CADPS2: variants seen among roughly 807,000 people sequenced by gnomAD.
CADPS2 encodes the protein calcium dependent secretion activator 2, also known as calcium-dependent secretion activator 2.
A neutral mutation model predicts 172.5 loss-of-function variants in CADPS2; 93 were observed. The ratio of observed to expected loss-of-function variants is 0.54; its 90% CI spans 0.46 to 0.64. The LOEUF (loss-of-function observed/expected upper bound fraction) is 0.64, where lower values mean the gene tolerates loss of function less well. CADPS2 is among the 30% of genes least tolerant of loss of function. The pLI is 0.00. For synonymous variants in CADPS2, 546 were observed against 555.2 expected (o/e 0.98, Z 0.23); for missense variants, 1,420 against 1,565.9 (o/e 0.91, Z 1.57).
intron 2 of CADPS2, among the ~76,000 whole-genome samples, chr7:122,715,552 C>A (rs939106010): frequency 2.0e-5 from 3 of 152,110 alleles, no homozygotes; most frequent in Non-Finnish European, 4.4e-5. Flanking sequence ...ACTGTCCAAA[C>A]AGAGGTCATT....
At chr7:122,785,523 A>G (rs902321973) in intron 1 of CADPS2, among the ~76,000 whole-genome samples, 3 of 152,188 alleles carry the variant, frequency 2.0e-5, no homozygotes, top group African/African-American at 7.2e-5. Flanking sequence ...AGAGCCCTAA[A>G]GGGTCTGAAT....
intron 1 of CADPS2, among the ~76,000 whole-genome samples, chr7:122,748,158 A>T (rs2092797032): frequency 2.6e-5 from 4 of 152,180 alleles, no homozygotes; most frequent in Non-Finnish European, 4.4e-5. Context: ...CCATTGAGCA[A>T]AGACTCCAGC....
At chr7:122,734,514 C>G (rs190623793) in intron 2 of CADPS2, among the ~76,000 whole-genome samples, 11 of 151,270 alleles carry the variant, frequency 7.3e-5, no homozygotes, top group Admixed American at 3.3e-4. Flanking sequence ...ATAATACTTG[C>G]ACTGTTTATT....
chr7:122,327,612 C>A (rs1415693328), intron 28 of CADPS2, among the ~76,000 whole-genome samples: 2 of 151,808 alleles, frequency 1.3e-5, no homozygotes, highest in Non-Finnish European at 2.9e-5. Context: ...CTTGAAAATC[C>A]TTATATAATT....
At chr7:122,469,581 CT>C (rs1304639507) in intron 14 of CADPS2, among the ~76,000 whole-genome samples, 1 of 152,088 alleles carries the variant, frequency 6.6e-6, no homozygotes, top group Non-Finnish European at 1.5e-5. Context: ...CAGCAACATC[CT>C]CCTAATTTCA....
intron 1 of CADPS2, among the ~76,000 whole-genome samples, chr7:122,848,900 C>A (rs917003076): frequency 2.1e-5 from 3 of 145,808 alleles, no homozygotes; most frequent in African/African-American, 7.6e-5. Flanking sequence ...TTTCTGAAGA[C>A]TTTACTAAGA....
chr7:122,527,426 A>G (rs938813212), intron 8 of CADPS2, among the ~76,000 whole-genome samples: 3 of 152,022 alleles, frequency 2.0e-5, no homozygotes, highest in Non-Finnish European at 2.9e-5. Context: ...TAAAAAAAAA[A>G]AAAACACAAA....
intron 1 of CADPS2, among the ~76,000 whole-genome samples, chr7:122,771,985 C>G (rs1195007275): frequency 6.6e-6 from 1 of 152,018 alleles, no homozygotes; most frequent in Non-Finnish European, 1.5e-5. Flanking sequence ...TCCAATAGAC[C>G]AGGTGAGGAA....
At chr7:122,801,846 C>T (rs1449669574) in intron 1 of CADPS2, among the ~76,000 whole-genome samples, 1 of 151,794 alleles carries the variant, frequency 6.6e-6, no homozygotes, top group Non-Finnish European at 1.5e-5. Context: ...AACTCAGCCT[C>T]CCAAAGTGCT....
intron 9 of CADPS2, among the ~76,000 whole-genome samples, chr7:122,494,589 A>T (rs1380851889): frequency 6.6e-6 from 1 of 151,558 alleles, no homozygotes; most frequent in African/African-American, 2.4e-5. Flanking sequence ...AAATATTTAC[A>T]GTGATTATTA....
At chr7:122,436,768 A>T (rs1440503477) in intron 17 of CADPS2, among the ~76,000 whole-genome samples, 1 of 152,098 alleles carries the variant, frequency 6.6e-6, no homozygotes, top group African/African-American at 2.4e-5. Flanking sequence ...GTACTACCAT[A>T]GGCTCTTGTC....
chr7:122,725,666 C>T (rs7794795), intron 2 of CADPS2, among the ~76,000 whole-genome samples: 130,207 of 151,328 alleles, frequency 0.86, 56,086 homozygotes, highest in Middle Eastern at 0.93. Flanking sequence ...CAGTAGTTCA[C>T]GCCTATAATC....
At chr7:122,468,063 G>A (rs1371102995) in intron 14 of CADPS2, among the ~76,000 whole-genome samples, 1 of 152,038 alleles carries the variant, frequency 6.6e-6, no homozygotes, top group African/African-American at 2.4e-5. Context: ...AGATGTATCT[G>A]TACAGAAAGA....
chr7:122,726,650 A>G (rs1040715838), intron 2 of CADPS2, among the ~76,000 whole-genome samples: 19 of 151,986 alleles, frequency 1.3e-4, no homozygotes, highest in African/African-American at 3.9e-4. Context: ...TTGAGCAAAC[A>G]TAAAACTTAT....
At chr7:122,531,236 T>C (rs2061727005) in intron 8 of CADPS2, among the ~76,000 whole-genome samples, 1 of 152,152 alleles carries the variant, frequency 6.6e-6, no homozygotes, top group Non-Finnish European at 1.5e-5. Context: ...GCAGAGAGCG[T>C]CAAAGAAAAG....
chr7:122,691,124 C>T (rs951535234), intron 2 of CADPS2, among the ~76,000 whole-genome samples: 6 of 152,202 alleles, frequency 3.9e-5, no homozygotes, highest in Non-Finnish European at 5.9e-5. Context: ...ATGTCTGCAC[C>T]GTCCTTATCC....
At chr7:122,791,143 T>C (rs1325600834) in intron 1 of CADPS2, among the ~76,000 whole-genome samples, 2 of 152,158 alleles carry the variant, frequency 1.3e-5, no homozygotes, top group Admixed American at 6.6e-5. Flanking sequence ...CGAGGAAAAG[T>C]ACAATAAAAC....
rs796988558 is a variant in CADPS2 at position 122,645,681 on chromosome 7, A to ATATATATATCTCTC, written c.787-16354_787-16353insGAGAGATATATATA. On this transcript the variant is annotated intron_variant, in intron 3 of 29. Transcript: ENST00000449022. ...AAGATATATATATATATATATATATATCTTGGGATTTTGCTCTTAGTTAGA... is the reference window on the plus strand; with the variant it reads ...AAGATATATATATATATATATATATATATATATATCTCTCTCTTGGGATTTTGCTCTTAGTTAGA... Among the ~76,000 whole-genome samples the ATATATATATCTCTC allele has an allele frequency of 1.4e-3, 168 of 116,816 alleles. 2 individuals carry two copies. The East Asian group carries it at 0.028, about 20-fold the overall frequency. The allele number at this position is 116,816 out of a possible 152,430, so 76.6% of individuals were successfully genotyped here.
intron 28 of CADPS2, among the ~76,000 whole-genome samples, chr7:122,338,180 C>T (rs772147895): frequency 5.9e-5 from 9 of 152,110 alleles, no homozygotes; most frequent in Non-Finnish European, 1.0e-4. Flanking sequence ...GCAGATTGCC[C>T]GAGCTCAGGA....
Sources: gnomAD v4.1 joint callset for allele counts (sites outside exome capture counted in the v4.1 genomes callset) on GRCh38, gnomAD v4.1.1 for gene constraint, MANE v1.5 for transcripts, NCBI Gene and HGNC (gene_info 2026-07-23, HGNC 2026-07-21) for gene names.